The following CACNA1H variants were observed in gnomAD, a reference collection of about 807,000 sequenced individuals.
CACNA1H encodes voltage-dependent T-type calcium channel subunit alpha-1H.
CACNA1H carries 149 observed loss-of-function variants against 192.5 expected under a neutral mutation model. The observed-to-expected ratio is 0.77, with a 90% confidence interval of 0.68 to 0.89. CACNA1H has a LOEUF of 0.89. Among genes scored for constraint, CACNA1H ranks in the 40% least tolerant of loss-of-function variants. CACNA1H has a pLI of 0.00. For missense variants in CACNA1H, 4,257 were observed against 3,423.5 expected, an observed-to-expected ratio of 1.24 and a Z score of -6.08; for synonymous variants, 2,202 against 1,475.2, an observed-to-expected ratio of 1.49 and a Z score of -11.29.
At position 1,208,189 on chromosome 16, in the gene CACNA1H, G is replaced by C. The variant is rs59529743; in HGVS notation, c.3331G>C (p.Gly1111Arg). 25 of 1,550,438 alleles carry C rather than the reference G, an allele frequency of 1.6e-5. No homozygotes were observed. The highest frequency in any genetic ancestry group is 1.5e-4 in the South Asian group (13 of 84,430). The change falls in exon 16 of 35, where the codon GGG becomes CGG. Residue 1111 changes from glycine (G) to arginine (R), a missense_variant. Gly to Arg is a moderately radical substitution (Grantham distance 125). Coordinates refer to ENST00000348261, the MANE Select transcript of CACNA1H (RefSeq NM_021098.3). ...PDSRRGSSSS[G>R]DPPLGDQKPP... ...CTCTCGGCGTGGCAGCAGCAGCTCC[G>C]GGGACCCGCCACTGGGAGACCAGAA...
chr16:1,170,213 G>A (rs1237059909), intron 2 of CACNA1H, among the ~76,000 whole-genome samples: 3 of 152,148 alleles, frequency 2.0e-5, no homozygotes, highest in South Asian at 2.1e-4. Flanking sequence ...CAGGGTTACC[G>A]AGGCTCAGCC....
intron 11 of CACNA1H, among the ~76,000 whole-genome samples, chr16:1,205,879 G>C (rs981199651): frequency 1.3e-5 from 2 of 152,202 alleles, no homozygotes; most frequent in Non-Finnish European, 2.9e-5. Flanking sequence ...TTCTTTCCCA[G>C]GGGGCACTGG....
At chr16:1,212,460 G>C (rs771655173) in intron 25 of CACNA1H, 51 bp from the exon 26 acceptor site, 60 of 1,569,988 alleles carry the variant, frequency 3.8e-5, no homozygotes, top group Non-Finnish European at 5.1e-5. Context: ...AGGGCTCCAG[G>C]CCCGAGTGCG....
chr16:1,165,291 G>T (rs775050649), intron 2 of CACNA1H, among the ~76,000 whole-genome samples: 2 of 152,230 alleles, frequency 1.3e-5, no homozygotes. Flanking sequence ...GCGGGCCTGG[G>T]GGCAAAGGCT....
In CACNA1H at chr16:1,167,686, A is replaced by T. The variant is rs1415674802; in HGVS notation, c.299+13650A>T. On this transcript the variant is annotated intron_variant, in intron 2 of 34. Transcript: ENST00000348261. The surrounding 1 kb of genome is among the most constrained non-coding windows in gnomAD (Gnocchi z 4.2). ...TTACATAAAGCGGTTTGGCCCATGC[A>T]AGCCGGCTCCTGGCTAGGGACCCCG... is the stretch of plus-strand genomic sequence containing the variant. 6.6e-6 allele frequency among the ~76,000 whole-genome samples: 1 copy of T among 152,110 alleles called. No homozygotes were observed. The highest frequency in any genetic ancestry group is 6.5e-5 in the Admixed American group (1 of 15,282).
At chr16:1,213,196 T>C (rs2738902) in intron 26 of CACNA1H, among the ~76,000 whole-genome samples, 14,907 of 151,686 alleles carry the variant, frequency 0.098, 975 homozygotes, top group South Asian at 0.25. Flanking sequence ...GGAGGGGAGG[T>C]ACTTGGGCTG....
In CACNA1H at chr16:1,210,084, G is replaced by C. The variant is rs1317843875; in HGVS notation, c.3794G>C (p.Trp1265Ser). ...GTGCTGGAGCCCTACAAGCCCCAGT[G>C]GTGCCGGAGCCGCGAGGCCTGGGCC... is the stretch of plus-strand genomic sequence containing the variant. ...HKVLEPYKPQ[W>S]CRSREAWALY... The change falls in exon 18 of 35, where the codon TGG (tryptophan) becomes TCG (serine). Residue 1265 changes from tryptophan to serine, a missense_variant. Physicochemically the swap from Trp to Ser is radical, Grantham distance 177. Transcript: ENST00000348261. 1.9e-6 allele frequency: 3 copies of C among 1,559,840 alleles called. No homozygotes were observed. The highest frequency in any genetic ancestry group is 2.6e-6 in the Non-Finnish European group (3 of 1,152,798).
At chr16:1,188,268 G>A (rs908217983) in intron 2 of CACNA1H, among the ~76,000 whole-genome samples, 8 of 152,162 alleles carry the variant, frequency 5.3e-5, no homozygotes, top group Non-Finnish European at 2.9e-5. Flanking sequence ...TTTCGGGTTG[G>A]GGTTGTCCAG....
At chr16:1,191,832 TG>T in intron 2 of CACNA1H, among the ~76,000 whole-genome samples, 1 of 134,580 alleles carries the variant, frequency 7.4e-6, no homozygotes, top group African/African-American at 2.9e-5. Context: ...CCCAGCAGGC[TG>T]GCCTGGTTGT....
chr16:1,168,848 C>CCCG (rs75968913), intron 2 of CACNA1H, among the ~76,000 whole-genome samples: 1 of 152,034 alleles, frequency 6.6e-6, no homozygotes, highest in Non-Finnish European at 1.5e-5. Flanking sequence ...CGGGTACTCC[C>CCCG]TCCTCCTCAG....
At chr16:1,211,903 TGGCGGGGCAGGCG>T (rs768920545) in intron 24 of CACNA1H, 30 bp from the exon 25 acceptor site, 24 of 1,610,836 alleles carry the variant, frequency 1.5e-5, no homozygotes, top group Non-Finnish European at 2.0e-5. Flanking sequence ...GTAGGGCCCC[TGGCGGGGCAGGCG>T]GGCGGGGACC....
rs140638186 is a variant in CACNA1H, at chr16:1,198,842, A to G, written c.803+68A>G. 1.2e-3 allele frequency: 1,722 copies of G among 1,462,184 alleles called. 20 individuals are homozygous for G. In the African/African-American group the frequency reaches 0.022, roughly 18 times the overall value. 90.6% of individuals were successfully genotyped at this position (1,462,184 alleles called of 1,614,324 possible). A position where few individuals can be genotyped will look rare whatever the true frequency, so the allele number is the denominator to read the frequency against. On this transcript the variant is annotated intron_variant, in intron 6 of 34. Coordinates refer to ENST00000348261, the MANE Select transcript of CACNA1H (RefSeq NM_021098.3). ...CTGCCCACCATGCAGATAACGCACC[A>G]TGTGGCTCCACCGCCCCACGTGGCT...
intron 2 of CACNA1H, among the ~76,000 whole-genome samples, chr16:1,168,382 G>T (rs564929831): frequency 6.6e-6 from 1 of 152,250 alleles, no homozygotes; most frequent in South Asian, 2.1e-4. Context: ...CCGGGGCGTG[G>T]TTCTAGGATG....
Position 1,216,687 on chromosome 16 carries a change from G to A in CACNA1H, c.5245-245G>A, listed in dbSNP as rs112734714. On this transcript the variant is annotated intron_variant, in intron 30 of 34. Transcript: ENST00000348261. The stretch of plus-strand genomic sequence containing the variant: ...GGCAGAGGAAGAGAGAAGCCAGTGC[G>A]GGCCAGCACAGAGGGGTGGGCTCTG... 0.046 allele frequency among the ~76,000 whole-genome samples: 6,958 copies of A among 152,334 alleles called. 237 individuals carry two copies. Among genetic ancestry groups the A allele is most frequent in the South Asian group, 0.08 (386 of 4,834 alleles).
intron 8 of CACNA1H, 117 bp from the exon 9 acceptor site, chr16:1,201,546 C>T (rs529776149): frequency 2.3e-6 from 3 of 1,281,188 alleles, no homozygotes; most frequent in Non-Finnish European, 3.2e-6. Context: ...AGCAGGGCAC[C>T]TCGCCCACTG....
Position 1,217,954 on chromosome 16 carries a change from A to G in CACNA1H, c.5359A>G (p.Arg1787Gly). The change falls in exon 32 of 35, where the codon AGG (arginine) becomes GGG (glycine). Residue 1787 changes from arginine (R) to glycine (G), a missense_variant. Coordinates refer to ENST00000348261, the MANE Select transcript of CACNA1H (RefSeq NM_021098.3). Reference sequence around the variant, plus strand: ...AGACAACCCCTGCGAGGGCCTGAGCAGGCACGCCACCTTCAGCAACTTCGG... The same window carrying G: ...AGACAACCCCTGCGAGGGCCTGAGCGGGCACGCCACCTTCAGCAACTTCGG... ...SEDNPCEGLS[R>G]HATFSNFGMA... The G allele has an allele frequency of 6.2e-7, 1 of 1,605,818 alleles. No individual in the cohort carries two copies. Among genetic ancestry groups the G allele is most frequent in the Non-Finnish European group, 8.5e-7 (1 of 1,176,940 alleles).
chr16:1,164,454 C>T (rs1963550294), intron 2 of CACNA1H, among the ~76,000 whole-genome samples: 1 of 152,210 alleles, frequency 6.6e-6, no homozygotes, highest in South Asian at 2.1e-4. Flanking sequence ...GCCTCAGCCT[C>T]CCCAGGTGCC....
At position 1,218,954 on chromosome 16, in the gene CACNA1H, T is replaced by A. The variant is rs965860206; in HGVS notation, c.5888-16T>A. The A allele has an allele frequency of 1.1e-4, 175 of 1,549,188 alleles. No homozygotes were observed. Among genetic ancestry groups the A allele is most frequent in the Non-Finnish European group, 1.4e-4 (165 of 1,146,704 alleles). On this transcript the variant is annotated splice_polypyrimidine_tract_variant and intron_variant, in intron 33 of 34. Coordinates refer to ENST00000348261, the MANE Select transcript of CACNA1H (RefSeq NM_021098.3). ...GCAGGGGCAGAGCTGCCAGCTTAGA[T>A]TCTTCCCTGCCCCAGGCTCCGTTGC...
Position 1,195,550 on chromosome 16 carries a change from T to G in CACNA1H, c.530T>G (p.Phe177Cys). The G allele has an allele frequency of 6.2e-7, 1 of 1,603,822 alleles. No homozygotes were observed. Among genetic ancestry groups the G allele is most frequent in the South Asian group, 1.1e-5 (1 of 88,824 alleles). The change falls in exon 4 of 35, where the codon TTC becomes TGC. Residue 177 changes from phenylalanine to cysteine, a missense_variant. Physicochemically the swap from Phe to Cys is radical, Grantham distance 205. Transcript: ENST00000348261. The stretch of plus-strand genomic sequence containing the variant: ...GACACGTGGAACAGGCTGGATTTCT[T>G]CATCGTCGTGGCGGGGTAGGCCCCG... ...LGDTWNRLDF[F>C]IVVAGMMEYS...
Sources: allele counts gnomAD v4.1 joint callset (sites outside exome capture counted in the v4.1 genomes callset), GRCh38; gene constraint gnomAD v4.1.1; non-coding constraint Gnocchi (gnomAD v3.1); transcripts MANE v1.5; gene names NCBI Gene and HGNC (gene_info 2026-07-23, HGNC 2026-07-21).